The following CHN2 variants were observed in gnomAD, a reference collection of about 807,000 sequenced individuals.
CHN2 encodes beta-chimaerin.
Under a neutral mutation model 56.3 loss-of-function variants are expected in CHN2, and 35 were observed. The observed-to-expected ratio is 0.62, with a 90% CI of 0.47 to 0.82. The LOEUF (loss-of-function observed/expected upper bound fraction) is 0.82. Ranked by LOEUF, CHN2 falls within the 40% of genes least tolerant of loss-of-function variation. The pLI, the probability that CHN2 is intolerant of heterozygous loss-of-function variation, is 0.00. For synonymous variants in CHN2, 210 were observed against 212.8 expected, an observed-to-expected ratio of 0.99 and a Z score of 0.12; for missense variants, 491 against 580.5, an observed-to-expected ratio of 0.85 and a Z score of 1.58.
At chr7:29,329,276 T>C (rs1796033015) in intron 1 of CHN2, among the ~76,000 whole-genome samples, 1 of 146,480 alleles carries the variant, frequency 6.8e-6, no homozygotes, top group East Asian at 2.0e-4. Context: ...TGAAATGAAA[T>C]AGTAGTATGG....
intron 3 of CHN2, among the ~76,000 whole-genome samples, chr7:29,384,814 TCCTG>T (rs1800795289): frequency 6.6e-6 from 1 of 152,186 alleles, no homozygotes; most frequent in African/African-American, 2.4e-5. Flanking sequence ...AGCCACTCCT[TCCTG>T]AGAAATCTTC....
intron 1 of CHN2, among the ~76,000 whole-genome samples, chr7:29,275,018 C>T (rs1791069317): frequency 6.6e-6 from 1 of 152,084 alleles, no homozygotes; most frequent in Non-Finnish European, 1.5e-5. Context: ...CCTGCTAAAC[C>T]TAACTGTAGC....
intron 1 of CHN2, among the ~76,000 whole-genome samples, chr7:29,339,440 T>A (rs1485082547): frequency 6.6e-6 from 1 of 152,210 alleles, no homozygotes; most frequent in East Asian, 1.9e-4. Context: ...TTGAACATCT[T>A]GGAGAGCTTT....
intron 1 of CHN2, among the ~76,000 whole-genome samples, chr7:29,275,780 C>T (rs189437100): frequency 2.0e-5 from 3 of 152,244 alleles, no homozygotes; most frequent in South Asian, 2.1e-4. Flanking sequence ...AGTCTGGTTC[C>T]GGAGTTGGTG....
At chr7:29,169,262 G>C (rs549210123) in intron 2 of CHN2, among the ~76,000 whole-genome samples, 35 of 152,188 alleles carry the variant, frequency 2.3e-4, no homozygotes, top group African/African-American at 7.9e-4. Context: ...TACCATTGTA[G>C]AAGATTCTGG....
Position 29,212,471 on chromosome 7 carries a change from A to G in CHN2, c.49+17481A>G, listed in dbSNP as rs1302602052. On this transcript the variant is annotated intron_variant, in intron 1 of 12. Coordinates refer to ENST00000222792, the MANE Select transcript of CHN2 (RefSeq NM_004067.4). ...AGACTGTCTCTCCTCTTCTTCCTCCATGGATCTGCTTATTCAGGACAGCCC... is the reference window on the plus strand; with the variant it reads ...AGACTGTCTCTCCTCTTCTTCCTCCGTGGATCTGCTTATTCAGGACAGCCC... 1.1e-5 allele frequency: 17 copies of G among 1,591,822 alleles called. 1 individual carries two copies. The highest frequency in any genetic ancestry group is 4.0e-4 in the Middle Eastern group (2 of 4,944).
chr7:29,317,248 C>A (rs1422358931), intron 1 of CHN2, among the ~76,000 whole-genome samples: 1 of 152,166 alleles, frequency 6.6e-6, no homozygotes, highest in East Asian at 1.9e-4. Flanking sequence ...GTAAACTCTG[C>A]AAATTTAAAA....
intron 1 of CHN2, among the ~76,000 whole-genome samples, chr7:29,352,878 T>C (rs1203912528): frequency 6.6e-6 from 1 of 152,234 alleles, no homozygotes; most frequent in South Asian, 2.1e-4. Flanking sequence ...TATAAACTAA[T>C]ACTCATGTTA....
At chr7:29,306,916 A>T (rs1383184203) in intron 1 of CHN2, among the ~76,000 whole-genome samples, 1 of 152,242 alleles carries the variant, frequency 6.6e-6, no homozygotes, top group Non-Finnish European at 1.5e-5. Context: ...GGTGTGAAGC[A>T]TGTGGAATAA....
intron 1 of CHN2, among the ~76,000 whole-genome samples, chr7:29,273,339 ATGTG>A (rs1207073154): frequency 0.049 from 3,975 of 81,480 alleles, 369 homozygotes; most frequent in African/African-American, 0.11. Context: ...ATATATATAT[ATGTG>A]TATATATATA....
intron 1 of CHN2, among the ~76,000 whole-genome samples, chr7:29,255,903 G>T (rs528203298): frequency 6.6e-6 from 1 of 152,218 alleles, no homozygotes; most frequent in African/African-American, 2.4e-5. Flanking sequence ...TCTAGAAACT[G>T]ATTCAGTTTA....
Position 29,467,943 on chromosome 7 carries a change from A to G in CHN2, c.577-12336A>G, listed in dbSNP as rs150693065. Among the ~76,000 whole-genome samples the G allele has an allele frequency of 3.9e-4, 59 of 152,240 alleles. No homozygotes were observed. In the East Asian group the frequency reaches 9.7e-3, roughly 25 times the overall value. On this transcript the variant is annotated intron_variant, in intron 6 of 12. Transcript: ENST00000222792. ...CTAATAAGATTTAGAAACTACCACT[A>G]TGTTTTAAGTGGTAGGGAGCATGTG...
chr7:29,479,826 C>G (rs1184531932), intron 6 of CHN2: 1 of 1,274,844 alleles, frequency 7.8e-7, no homozygotes. Context: ...CAGTGGCTGA[C>G]TGGATACCGC....
rs568039798 is a variant in CHN2, at chr7:29,297,272, C to T, written c.50-57353C>T. Among the ~76,000 whole-genome samples, 10 of 152,272 alleles carry T rather than the reference C, an allele frequency of 6.6e-5. No individual in the cohort carries two copies. The East Asian group carries it at 1.2e-3, about 18-fold the overall frequency. On this transcript the variant is annotated intron_variant, in intron 1 of 12. Transcript: ENST00000222792. ...AAGGGCACTAAATTCTGTGGCCTCA[C>T]CCCCCATTCTCCTAGTGTTCTGGGG... is the stretch of plus-strand genomic sequence containing the variant.
Position 29,354,631 on chromosome 7 carries a change from A to G in CHN2, c.56A>G (p.Glu19Gly), listed in dbSNP as rs1464195009. 1 of 1,609,926 alleles carries G rather than the reference A, an allele frequency of 6.2e-7. No individual in the cohort carries two copies. The highest frequency in any genetic ancestry group is 1.3e-5 in the African/African-American group (1 of 74,710). The change falls in exon 2 of 13, where the codon GAA (glutamate) becomes GGA (glycine). Residue 19 changes from glutamate (E) to glycine (G), a missense_variant. Coordinates refer to ENST00000222792, the MANE Select transcript of CHN2 (RefSeq NM_004067.4). ...LSGSSVSSDA[E>G]EYQPPIWKSY... ...TTTTTTTTTTTCATTCTAGATGCTGAAGAATACCAGCCTCCTATATGGAAA... is the reference window on the plus strand; with the variant it reads ...TTTTTTTTTTTCATTCTAGATGCTGGAGAATACCAGCCTCCTATATGGAAA...
intron 3 of CHN2, among the ~76,000 whole-genome samples, chr7:29,374,843 T>G (rs1470752318): frequency 3.5e-4 from 51 of 147,526 alleles, no homozygotes; most frequent in African/African-American, 1.2e-3. Flanking sequence ...CTTCCTTCCT[T>G]CCTTCCTGCC....
intron 3 of CHN2, among the ~76,000 whole-genome samples, chr7:29,387,207 G>A (rs1299854352): frequency 5.5e-5 from 5 of 91,168 alleles, no homozygotes; most frequent in South Asian, 4.4e-4. Context: ...CTATTGCCAC[G>A]ATGGTCCAAG....
chr7:29,184,282 A>G (rs1166844574), intron 2 of CHN2: 2 of 150,876 alleles, frequency 1.3e-5, no homozygotes, highest in Non-Finnish European at 3.0e-5. Context: ...TATATATGAT[A>G]TATATATTTA....
chr7:29,355,679 G>T lies in CHN2; in HGVS notation c.88+1016G>T, dbSNP rs56178102. Among the ~76,000 whole-genome samples, 321 of 150,902 alleles carry T rather than the reference G, an allele frequency of 2.1e-3. 2 individuals are homozygous for T. Among genetic ancestry groups the T allele is most frequent in the Non-Finnish European group, 1.3e-3 (89 of 67,858 alleles). Reference sequence around the variant, plus strand: ...TAGCATTCCTAACGAAGCTGCCAGGGTTACCACTCCCCATCAAGAACCTGC... The same window carrying T: ...TAGCATTCCTAACGAAGCTGCCAGGTTTACCACTCCCCATCAAGAACCTGC... On this transcript the variant is annotated intron_variant, in intron 2 of 12. Coordinates refer to ENST00000222792, the MANE Select transcript of CHN2 (RefSeq NM_004067.4).
Sources: gnomAD v4.1 joint callset for allele counts (sites outside exome capture counted in the v4.1 genomes callset) on GRCh38, gnomAD v4.1.1 for gene constraint, MANE v1.5 for transcripts, NCBI Gene and HGNC (gene_info 2026-07-23, HGNC 2026-07-21) for gene names.